DLGAP1: variants seen among roughly 807,000 people sequenced by gnomAD.
DLGAP1 encodes DLG associated protein 1.
DLGAP1 carries 11 observed loss-of-function variants against 90.8 expected under a neutral mutation model. That is an observed-to-expected ratio of 0.12 (90% CI 0.08 to 0.20). The LOEUF (loss-of-function observed/expected upper bound fraction) is 0.20, where lower values mean the gene tolerates loss of function less well. DLGAP1 is among the 10% of genes least tolerant of loss of function. DLGAP1 has a pLI of 1.00. For synonymous variants in DLGAP1, 558 were observed against 540.7 expected (o/e 1.03, Z -0.44); for missense variants, 1,050 against 1,333.8 (o/e 0.79, Z 3.31).
intron 3 of DLGAP1, chr18:3,986,006 T>A (rs1007207198): frequency 6.6e-6 from 1 of 152,210 alleles, no homozygotes; most frequent in African/African-American, 2.4e-5. Context: ...ATTCATAAGC[T>A]GTCTGTATAT....
chr18:4,061,467 T>C (rs929856143), intron 2 of DLGAP1, among the ~76,000 whole-genome samples: 10 of 152,164 alleles, frequency 6.6e-5, no homozygotes, highest in African/African-American at 2.4e-4. Context: ...GGAATAAAAG[T>C]ACAACATTTT....
chr18:4,179,279 G>T (rs2077167912), intron 1 of DLGAP1, among the ~76,000 whole-genome samples: 2 of 152,206 alleles, frequency 1.3e-5, no homozygotes, highest in South Asian at 4.2e-4. Context: ...GGAATCATCT[G>T]AGGGTGCCCT....
At chr18:4,021,178 C>T (rs562598875) in intron 2 of DLGAP1, among the ~76,000 whole-genome samples, 26 of 152,248 alleles carry the variant, frequency 1.7e-4, no homozygotes, top group Admixed American at 7.2e-4. Flanking sequence ...GGCGGCTCTG[C>T]GTGAATTACT....
intron 2 of DLGAP1, among the ~76,000 whole-genome samples, chr18:4,022,596 T>C (rs1444791018): frequency 1.3e-5 from 2 of 152,198 alleles, no homozygotes; most frequent in Non-Finnish European, 2.9e-5. Context: ...TTCCATCATA[T>C]GCCATGCTAT....
chr18:3,675,933 C>G (rs4619493), intron 7 of DLGAP1, among the ~76,000 whole-genome samples: 58,034 of 152,008 alleles, frequency 0.38, 12,082 homozygotes, highest in East Asian at 0.76. Flanking sequence ...AATATTGATA[C>G]AGGAGTTAAG....
At chr18:3,527,410 C>CTGGTTTT (rs1555668846) in intron 10 of DLGAP1, among the ~76,000 whole-genome samples, 1 of 100,684 alleles carries the variant, frequency 9.9e-6, no homozygotes, top group Non-Finnish European at 1.9e-5. Flanking sequence ...ATTTTCCAAA[C>CTGGTTTT]TTTTTTTTTT....
chr18:3,540,400 G>A (rs911584408), intron 9 of DLGAP1, among the ~76,000 whole-genome samples: 3 of 148,486 alleles, frequency 2.0e-5, no homozygotes, highest in Non-Finnish European at 4.4e-5. Flanking sequence ...AACCCGGGAG[G>A]CAGAGGCTGC....
At chr18:3,600,900 A>AGATATATATAGATAGATG (rs2056942326) in intron 7 of DLGAP1, among the ~76,000 whole-genome samples, 1 of 131,224 alleles carries the variant, frequency 7.6e-6, no homozygotes, top group Non-Finnish European at 1.6e-5. Flanking sequence ...ATAGATATAT[A>AGATATATATAGATAGATG]TAGATATATA....
chr18:4,433,351 G>C (rs1262797501), intron 1 of DLGAP1, among the ~76,000 whole-genome samples: 1 of 152,084 alleles, frequency 6.6e-6, no homozygotes, highest in Non-Finnish European at 1.5e-5. Context: ...TTACTGTTGA[G>C]GGCTGTTTGA....
intron 5 of DLGAP1, chr18:3,774,652 T>C (rs563602460): frequency 6.6e-6 from 1 of 152,310 alleles, no homozygotes; most frequent in Admixed American, 6.5e-5. Flanking sequence ...CCTAACTTCT[T>C]AAAAATACGG....
At chr18:4,047,599 A>G (rs2075072786) in intron 2 of DLGAP1, among the ~76,000 whole-genome samples, 1 of 152,208 alleles carries the variant, frequency 6.6e-6, no homozygotes, top group South Asian at 2.1e-4. Flanking sequence ...TGTTGTAGCC[A>G]GGGGTGAATG....
chr18:3,826,958 C>T (rs1332363772), intron 4 of DLGAP1, among the ~76,000 whole-genome samples: 1 of 151,990 alleles, frequency 6.6e-6, no homozygotes, highest in Non-Finnish European at 1.5e-5. Context: ...GACTGAGAAA[C>T]AGTAGTTAAG....
intron 7 of DLGAP1, among the ~76,000 whole-genome samples, chr18:3,641,495 C>T (rs959084583): frequency 6.8e-6 from 1 of 148,130 alleles, no homozygotes; most frequent in Non-Finnish European, 1.5e-5. Flanking sequence ...TGAGATGGCA[C>T]CATTGCACTC....
intron 4 of DLGAP1, among the ~76,000 whole-genome samples, chr18:3,839,571 A>C (rs1389031769): frequency 6.6e-6 from 1 of 152,174 alleles, no homozygotes; most frequent in Non-Finnish European, 1.5e-5. Context: ...ATAAACAGGC[A>C]CTATATATAC....
intron 1 of DLGAP1, among the ~76,000 whole-genome samples, chr18:4,366,553 T>C (rs537733434): frequency 3.1e-4 from 47 of 152,030 alleles, no homozygotes; most frequent in South Asian, 6.2e-4. Flanking sequence ...ATACCTGTGA[T>C]ATTAAAGTGT....
At position 4,337,566 on chromosome 18, in the gene DLGAP1, T is replaced by A. The variant is rs558673087; in HGVS notation, c.-267+117440A>T. On this transcript the variant is annotated intron_variant, in intron 1 of 12. Transcript: ENST00000315677. The stretch of plus-strand genomic sequence containing the variant: ...AAGAAGAATTTACAAATGTATGACA[T>A]TTTAGAGAGAAATATTTTAGCTCTA... Among the ~76,000 whole-genome samples, 9 of 152,266 alleles carry A rather than the reference T, an allele frequency of 5.9e-5. No homozygotes were observed. In the South Asian group the frequency reaches 1.9e-3, roughly 32 times the overall value.
chr18:3,898,036 C>T (rs1311556937), intron 3 of DLGAP1, among the ~76,000 whole-genome samples: 52 of 152,004 alleles, frequency 3.4e-4, no homozygotes, highest in South Asian at 6.2e-4. Flanking sequence ...CCTCGTGATC[C>T]GCCCGCCTTG....
At chr18:4,042,046 G>A (rs564413501) in intron 2 of DLGAP1, among the ~76,000 whole-genome samples, 11 of 152,104 alleles carry the variant, frequency 7.2e-5, no homozygotes, top group East Asian at 1.9e-4. Flanking sequence ...TGACATCCAC[G>A]TTTCTAAGAA....
chr18:3,956,852 A>G (rs2148975704), intron 3 of DLGAP1, among the ~76,000 whole-genome samples: 1 of 151,758 alleles, frequency 6.6e-6, no homozygotes, highest in East Asian at 1.9e-4. Context: ...GGGTCTTACT[A>G]TGTTGCCCAG....
Sources: allele counts gnomAD v4.1 joint callset (sites outside exome capture counted in the v4.1 genomes callset), GRCh38; gene constraint gnomAD v4.1.1; transcripts MANE v1.5; gene names NCBI Gene and HGNC (gene_info 2026-07-23, HGNC 2026-07-21).